The following SEPTIN11 variants were observed in gnomAD, a reference collection of about 807,000 sequenced individuals.
SEPTIN11 encodes septin 11.
A neutral mutation model predicts 51.4 loss-of-function variants in SEPTIN11; 25 were observed. The observed-to-expected ratio is 0.49, with a 90% CI of 0.35 to 0.68. SEPTIN11 has a LOEUF of 0.68. SEPTIN11 is among the 30% of genes least tolerant of loss of function. SEPTIN11 has a pLI of 0.00. For missense variants in SEPTIN11, 381 were observed against 520.8 expected (o/e 0.73, Z 2.61); for synonymous variants, 174 against 184.1 (o/e 0.95, Z 0.44).
Position 77,019,185 on chromosome 4 carries a change from G to T in SEPTIN11, c.708G>T (p.Val236=). 6.2e-7 allele frequency: 1 copy of T among 1,613,476 alleles called. No homozygotes were observed. The highest frequency in any genetic ancestry group is 8.5e-7 in the Non-Finnish European group (1 of 1,179,790). The change falls in exon 6 of 10, where the codon GTG becomes GTT. Residue 236 remains valine, a synonymous_variant. Coordinates refer to ENST00000264893, the MANE Select transcript of SEPTIN11 (RefSeq NM_018243.4). ...GGCAGGTCCATCTCCCATTTGCAGT[G>T]GTTGGCAGCACCGAAGAGGTGAAGA... is the stretch of plus-strand genomic sequence containing the variant. ...ATMSVHLPFA[V]VGSTEEVKIG...
intron 5 of SEPTIN11, among the ~76,000 whole-genome samples, chr4:77,016,306 A>G (rs1156669539): frequency 6.6e-6 from 1 of 151,568 alleles, no homozygotes; most frequent in Non-Finnish European, 1.5e-5. Context: ...GGCTGTGGGT[A>G]GTGGAGGTAG....
intron 3 of SEPTIN11, among the ~76,000 whole-genome samples, chr4:77,010,973 G>T (rs1724822363): frequency 1.3e-5 from 2 of 152,192 alleles, no homozygotes; most frequent in Non-Finnish European, 2.9e-5. Flanking sequence ...CAGTTAATAG[G>T]ATTACACATA....
intron 4 of SEPTIN11, among the ~76,000 whole-genome samples, chr4:77,014,202 ATTAG>A (rs947115146): frequency 1.3e-5 from 2 of 152,204 alleles, no homozygotes; most frequent in African/African-American, 4.8e-5. Context: ...TTTCAAAAGA[ATTAG>A]TTGGTGTGAT....
At chr4:77,012,808 A>G (rs1363885812) in intron 4 of SEPTIN11, among the ~76,000 whole-genome samples, 1 of 152,226 alleles carries the variant, frequency 6.6e-6, no homozygotes, top group Non-Finnish European at 1.5e-5. Context: ...GAGAGGCTGA[A>G]GCCAAGCCAG....
intron 2 of SEPTIN11, among the ~76,000 whole-genome samples, chr4:77,000,149 T>C (rs1224718826): frequency 1.3e-5 from 2 of 152,208 alleles, no homozygotes; most frequent in Non-Finnish European, 2.9e-5. Flanking sequence ...ACCAGTTTGA[T>C]AGTAGAGTCA....
rs1578220446 is a variant in SEPTIN11, at chr4:77,037,643, C to T, written c.*3131C>T. 2 of 985,642 alleles carry T rather than the reference C, an allele frequency of 2.0e-6. No homozygotes were observed. Among genetic ancestry groups the T allele is most frequent in the Non-Finnish European group, 2.4e-6 (2 of 829,936 alleles). 61.1% of individuals were successfully genotyped at this position (985,642 alleles called of 1,614,324 possible). A position where few individuals can be genotyped will look rare whatever the true frequency, so the allele number is the denominator to read the frequency against. On this transcript the variant is annotated 3_prime_UTR_variant, in exon 10 of 10. Transcript: ENST00000264893. The stretch of plus-strand genomic sequence containing the variant: ...GGGCCTACATAACTAGCTGGCCTTA[C>T]CCCATATCTTTTGTTCAAACATAAT...
chr4:77,034,604 T>C lies in SEPTIN11; in HGVS notation c.*92T>C. On this transcript the variant is annotated 3_prime_UTR_variant, in exon 10 of 10. Transcript: ENST00000264893. ...TGTGTTCTTTAGTTTTATTTTATTT[T>C]ATTTTATTTTTTTACCCTTCCTCAA... 1 of 1,407,594 alleles carries C rather than the reference T, an allele frequency of 7.1e-7. No individual in the cohort carries two copies. 87.2% of individuals were successfully genotyped at this position (1,407,594 alleles called of 1,614,324 possible).
At chr4:77,003,292 A>G (rs1724246673) in intron 2 of SEPTIN11, among the ~76,000 whole-genome samples, 1 of 152,204 alleles carries the variant, frequency 6.6e-6, no homozygotes, top group African/African-American at 2.4e-5. Context: ...GTCTGTGGCC[A>G]ACTAGCAGGG....
At chr4:76,956,999 A>T (rs371569458) in intron 1 of SEPTIN11, among the ~76,000 whole-genome samples, 72,236 of 121,814 alleles carry the variant, frequency 0.59, 18,986 homozygotes, top group South Asian at 0.63. Flanking sequence ...TGTGTGAGAG[A>T]GAGAGAGACA....
intron 8 of SEPTIN11, among the ~76,000 whole-genome samples, chr4:77,029,055 C>G (rs1263226845): frequency 3.3e-5 from 5 of 152,148 alleles, no homozygotes; most frequent in African/African-American, 1.2e-4. Flanking sequence ...CTGTGTAGCT[C>G]TGTGTTTCTT....
At chr4:76,997,371 C>T (rs1723795944) in intron 2 of SEPTIN11, among the ~76,000 whole-genome samples, 1 of 152,122 alleles carries the variant, frequency 6.6e-6, no homozygotes. Context: ...TTTTCTTGTC[C>T]AAGTAAAGCA....
chr4:76,992,851 T>C (rs1178785875), intron 1 of SEPTIN11, among the ~76,000 whole-genome samples: 1 of 152,188 alleles, frequency 6.6e-6, no homozygotes, highest in Non-Finnish European at 1.5e-5. Context: ...GTGAGTAAAT[T>C]CTGATGGGAA....
chr4:77,010,341 A>G (rs1292022328), intron 3 of SEPTIN11, among the ~76,000 whole-genome samples: 4 of 152,070 alleles, frequency 2.6e-5, no homozygotes, highest in Non-Finnish European at 5.9e-5. Context: ...ATTATGCAAT[A>G]TATGTCTATA....
intron 5 of SEPTIN11, among the ~76,000 whole-genome samples, chr4:77,016,615 CATATATATATATATACACATATATAT>C (rs1169194878): frequency 1.3e-4 from 10 of 79,228 alleles, no homozygotes; most frequent in Non-Finnish European, 2.3e-4. Context: ...TATATATACA[CATATATATATATATACACATATATAT>C]ATATATATAT....
chr4:76,974,947 A>T, intron 1 of SEPTIN11: 1 of 437,578 alleles, frequency 2.3e-6, no homozygotes, highest in East Asian at 7.0e-5. Context: ...AAATGACAAG[A>T]CCCCATCTCT....
chr4:77,016,637 T>TATATATATACACACACACAC (rs1560736340), intron 5 of SEPTIN11, among the ~76,000 whole-genome samples: 1 of 93,544 alleles, frequency 1.1e-5, no homozygotes, highest in African/African-American at 4.0e-5. Context: ...TATACACATA[T>TATATATATACACACACACAC]ATATATATAT....
In SEPTIN11 at chr4:77,036,650, CTT is replaced by C; in HGVS notation, c.*2147_*2148del. ...AAAAGTCAAAAGAAACAAATAGAAGCTTTTTTTTTTAAAAAATGTATTGCTTC... is the reference window on the plus strand; with the variant it reads ...AAAAGTCAAAAGAAACAAATAGAAGCTTTTTTTTAAAAAATGTATTGCTTC... On this transcript the variant is annotated 3_prime_UTR_variant, in exon 10 of 10. Transcript: ENST00000264893. The C allele has an allele frequency of 4.3e-6, 6 of 1,406,138 alleles. No individual in the cohort carries two copies. Among genetic ancestry groups the C allele is most frequent in the Non-Finnish European group, 4.7e-6 (5 of 1,071,742 alleles). The allele number at this position is 1,406,138 out of a possible 1,614,324, so 87.1% of individuals were successfully genotyped here.
Position 77,036,887 on chromosome 4 carries a change from T to C in SEPTIN11, c.*2375T>C, listed in dbSNP as rs985610739. ...TGAGATCTTTCTGACTTTTCAAAAT[T>C]AGAGAAAGCAAATGGGATGGATAGA... On this transcript the variant is annotated 3_prime_UTR_variant, in exon 10 of 10. Coordinates refer to ENST00000264893, the MANE Select transcript of SEPTIN11 (RefSeq NM_018243.4). 1.9e-5 allele frequency: 26 copies of C among 1,401,556 alleles called. No individual in the cohort carries two copies. The highest frequency in any genetic ancestry group is 2.4e-5 in the Non-Finnish European group (26 of 1,084,574). 86.8% of individuals were successfully genotyped at this position (1,401,556 alleles called of 1,614,324 possible). A position where few individuals can be genotyped will look rare whatever the true frequency, so the allele number is the denominator to read the frequency against.
intron 1 of SEPTIN11, among the ~76,000 whole-genome samples, chr4:76,963,566 A>G: frequency 6.6e-6 from 1 of 152,256 alleles, no homozygotes; most frequent in East Asian, 1.9e-4. Flanking sequence ...GATGATGGAA[A>G]ATGTTCCACT....
Sources: gnomAD v4.1 joint callset for allele counts (sites outside exome capture counted in the v4.1 genomes callset) on GRCh38, gnomAD v4.1.1 for gene constraint, MANE v1.5 for transcripts, NCBI Gene and HGNC (gene_info 2026-07-23, HGNC 2026-07-21) for gene names.